The following RANBP3 variants were observed in gnomAD, a reference collection of about 807,000 sequenced individuals.
The protein encoded by RANBP3 is RAN binding protein 3, also known as ran-binding protein 3.
Under a neutral mutation model 77.3 loss-of-function variants are expected in RANBP3, and 14 were observed. That is an observed-to-expected ratio of 0.18 (90% CI 0.12 to 0.28). RANBP3 has a LOEUF of 0.28. Ranked by LOEUF, RANBP3 falls within the 10% of genes least tolerant of loss-of-function variation. RANBP3 has a pLI of 1.00. For missense variants in RANBP3, 586 were observed against 752.3 expected, an observed-to-expected ratio of 0.78 and a Z score of 2.59; for synonymous variants, 315 against 312.4, an observed-to-expected ratio of 1.01 and a Z score of -0.09.
At position 5,928,061 on chromosome 19, in the gene RANBP3, G is replaced by C; in HGVS notation, c.720C>G (p.Ser240=). 1 of 1,612,650 alleles carries C rather than the reference G, an allele frequency of 6.2e-7. No homozygotes were observed. Residue 240 remains serine, a synonymous_variant, in exon 9 of 17, where the codon TCC becomes TCG. Coordinates refer to ENST00000340578, the MANE Select transcript of RANBP3 (RefSeq NM_007322.3). ...LEEKEPQKNE[S]SNASEEEACE... is the part of the protein sequence containing the mutation. ...AGGCTTCCTCTTCAGAGGCATTGCT[G>C]GACTCATTTTTCTGGGGCTCTTTCT...
intron 13 of RANBP3, among the ~76,000 whole-genome samples, chr19:5,922,443 T>C (rs2057834731): frequency 6.6e-6 from 1 of 152,136 alleles, no homozygotes; most frequent in African/African-American, 2.4e-5. Context: ...AGCACATGGA[T>C]GCTGCCCAAG....
Position 5,941,290 on chromosome 19 carries a change from TG to T in RANBP3, c.406+330del, listed in dbSNP as rs754481740. ...TAAACCCCCAGTCTGTGTCCAGCCT[TG>T]GAAAGAGGAGATGTAATTAACAGGC... On this transcript the variant is annotated intron_variant, in intron 5 of 16. Coordinates refer to ENST00000340578, the MANE Select transcript of RANBP3 (RefSeq NM_007322.3). Among the ~76,000 whole-genome samples the T allele has an allele frequency of 2.6e-5, 4 of 152,328 alleles. No individual in the cohort carries two copies. The South Asian group carries it at 8.3e-4, about 32-fold the overall frequency.
At chr19:5,944,287 C>A (rs1362681660) in intron 3 of RANBP3, among the ~76,000 whole-genome samples, 1 of 152,206 alleles carries the variant, frequency 6.6e-6, no homozygotes, top group Admixed American at 6.5e-5. Context: ...GGCGAGGGAC[C>A]TGGACTGGGA....
intron 6 of RANBP3, chr19:5,932,832 CTG>C (rs1160095156): frequency 6.5e-6 from 3 of 458,490 alleles, no homozygotes; most frequent in Non-Finnish European, 7.8e-6. Context: ...CAAGTGGAGA[CTG>C]TGGGAGGAGA....
At chr19:5,975,147 C>A (rs556505334) in intron 1 of RANBP3, among the ~76,000 whole-genome samples, 1 of 152,196 alleles carries the variant, frequency 6.6e-6, no homozygotes, top group Non-Finnish European at 1.5e-5. Context: ...GCAGGCTGTA[C>A]AAGCCAAAAC....
chr19:5,954,805 C>T (rs2058316538), intron 2 of RANBP3, among the ~76,000 whole-genome samples: 2 of 152,182 alleles, frequency 1.3e-5, no homozygotes, highest in Admixed American at 1.3e-4. Context: ...TCCCTGCAGG[C>T]CCTGAACCAG....
chr19:5,923,260 C>T lies in RANBP3; in HGVS notation c.1143G>A (p.Ala381=), dbSNP rs377649243. The change falls in exon 13 of 17, where the codon GCG becomes GCA. Residue 381 remains alanine, a synonymous_variant. Transcript: ENST00000340578. ...ESAAAYTKAT[A]RKCLLEKVEV... ...CCACTTTTTCCAACAAACACTTCCG[C>T]GCTGTTGCCTTGGTGTAGGCGGCTG... is the stretch of plus-strand genomic sequence containing the variant. 1.3e-5 allele frequency: 21 copies of T among 1,614,138 alleles called. No individual in the cohort carries two copies. Among genetic ancestry groups the T allele is most frequent in the African/African-American group, 4.0e-5 (3 of 74,948 alleles).
chr19:5,958,491 TCTGGA>T lies in RANBP3; in HGVS notation c.23-523_23-519del, dbSNP rs2058362218. On this transcript the variant is annotated intron_variant, in intron 1 of 16. Coordinates refer to ENST00000340578, the MANE Select transcript of RANBP3 (RefSeq NM_007322.3). The surrounding 1 kb of genome is among the most constrained non-coding windows in gnomAD (Gnocchi z 4.4). Reference sequence around the variant, plus strand: ...GAGTGCTGGTTGGGAGGAAAGGATGTCTGGAGTTGCTAGAGGCCTGAGAGTCCATC... The same window carrying T: ...GAGTGCTGGTTGGGAGGAAAGGATGTGTTGCTAGAGGCCTGAGAGTCCATC... Among the ~76,000 whole-genome samples the T allele has an allele frequency of 6.6e-6, 1 of 152,270 alleles. No homozygotes were observed. The highest frequency in any genetic ancestry group is 1.5e-5 in the Non-Finnish European group (1 of 68,040).
chr19:5,934,975 G>C (rs2058044246), intron 5 of RANBP3, among the ~76,000 whole-genome samples: 2 of 152,334 alleles, frequency 1.3e-5, no homozygotes, highest in Admixed American at 6.5e-5. Context: ...TCAAGGGAGG[G>C]GGTTGGGGGC....
chr19:5,924,542 T>C lies in RANBP3; in HGVS notation c.996+285A>G, dbSNP rs1453548370. Among the ~76,000 whole-genome samples, 1 of 152,244 alleles carries C rather than the reference T, an allele frequency of 6.6e-6. No individual in the cohort carries two copies. Among genetic ancestry groups the C allele is most frequent in the South Asian group, 2.1e-4 (1 of 4,832 alleles). On this transcript the variant is annotated intron_variant, in intron 11 of 16. Transcript: ENST00000340578. This position sits in a 1 kb window ranked among gnomAD's most constrained non-coding sequence, Gnocchi z 4.7. ...GTGGGGAGGAACCATGGACCCCGAC[T>C]GCCAGCAGGACCCTGCAGCCTCCAG...
At position 5,951,418 on chromosome 19, in the gene RANBP3, G is replaced by C; in HGVS notation, c.257C>G (p.Pro86Arg). The change falls in exon 3 of 17, where the codon CCT (proline) becomes CGT (arginine). Residue 86 changes from proline to arginine, a missense_variant. By Grantham distance (103) the Pro-to-Arg change is moderately radical (BLOSUM62 -2). Coordinates refer to ENST00000340578, the MANE Select transcript of RANBP3 (RefSeq NM_007322.3). ...CCCTGCCAGTTCTCGCGGAAAAGGA[G>C]GAAGCTGGGCTTCAGGAGCGGGAGG... The part of the protein sequence containing the change: ...PPPPAPEAQL[P>R]PFPRELAGRS... 6.4e-7 allele frequency: 1 copy of C among 1,571,824 alleles called. No individual in the cohort carries two copies. The highest frequency in any genetic ancestry group is 1.2e-5 in the South Asian group (1 of 86,544).
At chr19:5,974,196 A>G (rs779890104) in intron 1 of RANBP3, among the ~76,000 whole-genome samples, 1 of 152,096 alleles carries the variant, frequency 6.6e-6, no homozygotes, top group Non-Finnish European at 1.5e-5. Context: ...CGCCAAAGAG[A>G]GCCATCAAAA....
At chr19:5,963,089 A>C (rs1200855382) in intron 1 of RANBP3, among the ~76,000 whole-genome samples, 1 of 152,216 alleles carries the variant, frequency 6.6e-6, no homozygotes, top group Admixed American at 6.5e-5. Context: ...GAAGACCTTT[A>C]ATATTAAAAT....
rs113486511 is a variant in RANBP3 at position 5,953,139 on chromosome 19, C to A, written c.79-1543G>T. Among the ~76,000 whole-genome samples, 442 of 152,288 alleles carry A rather than the reference C, an allele frequency of 2.9e-3. 1 individual carries two copies. Among genetic ancestry groups the A allele is most frequent in the Middle Eastern group, 6.8e-3 (2 of 294 alleles). ...CAAGACATCAAAACAGGATCAAATT[C>A]GTCATCTTTGGTTAAGATGAATGAT... On this transcript the variant is annotated intron_variant, in intron 2 of 16. Transcript: ENST00000340578.
At chr19:5,947,309 G>C (rs1459005749) in intron 3 of RANBP3, among the ~76,000 whole-genome samples, 1 of 134,606 alleles carries the variant, frequency 7.4e-6, no homozygotes, top group African/African-American at 2.9e-5. Flanking sequence ...GGGAGACTCT[G>C]TCTCAAAAAA....
In RANBP3 at chr19:5,924,732, G is replaced by T; in HGVS notation, c.996+95C>A. The stretch of plus-strand genomic sequence containing the variant: ...CTGAAGGCATCCCCATCTCACATAG[G>T]ACGACACAGCAGCCCTGCTCTCCAT... On this transcript the variant is annotated intron_variant, in intron 11 of 16. Transcript: ENST00000340578. This position sits in a 1 kb window ranked among gnomAD's most constrained non-coding sequence, Gnocchi z 4.7. 1 of 1,271,182 alleles carries T rather than the reference G, an allele frequency of 7.9e-7. No homozygotes were observed. The allele number at this position is 1,271,182 out of a possible 1,614,324, so 78.7% of individuals were successfully genotyped here.
At chr19:5,925,766 C>T (rs772530527) in intron 9 of RANBP3, 29 bp from the exon 10 acceptor site, 36 of 1,546,172 alleles carry the variant, frequency 2.3e-5, no homozygotes, top group Admixed American at 1.2e-4. Flanking sequence ...GCTCAGTAAT[C>T]GGGGGTGGGG....
rs772017572 is a variant in RANBP3, at chr19:5,923,896, C to G, written c.1015G>C (p.Glu339Gln). The change falls in exon 12 of 17, where the codon GAG becomes CAG. Residue 339 changes from glutamate to glutamine, a missense_variant. Coordinates refer to ENST00000340578, the MANE Select transcript of RANBP3 (RefSeq NM_007322.3). ...ERVLSPPKLNEVSSDANRENA... is the reference protein window; with the variant it reads ...ERVLSPPKLNQVSSDANRENA... The stretch of plus-strand genomic sequence containing the variant: ...TCCCTGTTGGCATCTGAACTGACCT[C>G]GTTTAATTTTGGGGGGCTCTGCAGG... 6.2e-7 allele frequency: 1 copy of G among 1,614,068 alleles called. No individual in the cohort carries two copies. Among genetic ancestry groups the G allele is most frequent in the South Asian group, 1.1e-5 (1 of 91,080 alleles).
At chr19:5,961,195 G>C (rs866756757) in intron 1 of RANBP3, among the ~76,000 whole-genome samples, 33 of 149,214 alleles carry the variant, frequency 2.2e-4, no homozygotes, top group African/African-American at 7.7e-4. Flanking sequence ...TGTAATCCCA[G>C]CACTTTGGGA....
Sources: gnomAD v4.1 joint callset for allele counts (sites outside exome capture counted in the v4.1 genomes callset) on GRCh38, gnomAD v4.1.1 for gene constraint, Gnocchi (gnomAD v3.1) non-coding constraint, MANE v1.5 for transcripts, NCBI Gene and HGNC (gene_info 2026-07-23, HGNC 2026-07-21) for gene names.